Variants in NOL4 observed in about 807,000 individuals in gnomAD.
NOL4 encodes the protein cancer/testis antigen 125.
In NOL4, 17 loss-of-function variants were observed where a neutral mutation model predicts 75.9. The observed-to-expected ratio is 0.22, with a 90% confidence interval of 0.15 to 0.34. The LOEUF (loss-of-function observed/expected upper bound fraction) is 0.34, where lower values mean the gene tolerates loss of function less well. Among genes scored for constraint, NOL4 ranks in the 10% least tolerant of loss-of-function variants. NOL4 has a pLI of 1.00. For missense variants in NOL4, 614 were observed against 793.5 expected (o/e 0.77, Z 2.72); for synonymous variants, 292 against 289.9 (o/e 1.01, Z -0.07).
intron 1 of NOL4, among the ~76,000 whole-genome samples, chr18:34,141,106 CCTAGGA>C (rs761532750): frequency 1.8e-3 from 281 of 152,210 alleles, no homozygotes; most frequent in African/African-American, 6.2e-3. Flanking sequence ...GAATAAAATA[CCTAGGA>C]ATCCAACTTA....
intron 8 of NOL4, among the ~76,000 whole-genome samples, chr18:33,957,073 C>T (rs539155367): frequency 2.0e-5 from 3 of 152,016 alleles, no homozygotes; most frequent in African/African-American, 4.8e-5. Context: ...CCTTTATTTT[C>T]TGTGACATGG....
At chr18:34,004,805 T>A (rs1180190647) in intron 6 of NOL4, among the ~76,000 whole-genome samples, 1 of 152,036 alleles carries the variant, frequency 6.6e-6, no homozygotes, top group Non-Finnish European at 1.5e-5. Context: ...CAAACTGACA[T>A]CCCTATTCCT....
chr18:33,930,571 T>C (rs2067618764), intron 9 of NOL4, among the ~76,000 whole-genome samples: 1 of 152,124 alleles, frequency 6.6e-6, no homozygotes, highest in African/African-American at 2.4e-5. Flanking sequence ...GATAGATGGT[T>C]GAGTGTAAAT....
intron 1 of NOL4, among the ~76,000 whole-genome samples, chr18:34,134,219 T>C (rs1423591828): frequency 1.3e-5 from 2 of 152,054 alleles, no homozygotes; most frequent in Admixed American, 1.3e-4. Flanking sequence ...GGGAAAAATA[T>C]AGCTATATAA....
intron 1 of NOL4, among the ~76,000 whole-genome samples, chr18:34,203,615 TA>T (rs899784822): frequency 2.0e-5 from 3 of 150,882 alleles, no homozygotes; most frequent in African/African-American, 7.3e-5. Flanking sequence ...ATTATTTCAA[TA>T]AAAAATTCAG....
chr18:34,088,788 A>T (rs1033215122), intron 5 of NOL4, among the ~76,000 whole-genome samples: 2 of 152,118 alleles, frequency 1.3e-5, no homozygotes, highest in African/African-American at 4.8e-5. Context: ...TTATGCGAAG[A>T]TTCAGTTTCT....
At chr18:34,113,414 A>G (rs889076171) in intron 2 of NOL4, among the ~76,000 whole-genome samples, 2 of 152,140 alleles carry the variant, frequency 1.3e-5, no homozygotes, top group African/African-American at 4.8e-5. Flanking sequence ...CTGAGGCTAG[A>G]GGATCACTTG....
chr18:34,187,362 G>A (rs2034543755), intron 1 of NOL4, among the ~76,000 whole-genome samples: 1 of 140,600 alleles, frequency 7.1e-6, no homozygotes, highest in Non-Finnish European at 1.5e-5. Context: ...TGGTTTAATA[G>A]TCCACTTCTT....
chr18:33,881,353 T>A lies in NOL4; in HGVS notation c.1723+1891A>T, dbSNP rs575424181. Reference sequence around the variant, plus strand: ...TCCTCTTTTCCTAATTGAATACCCTTTATTTCCTTCTCCTGCCTAATTGCC... The same window carrying A: ...TCCTCTTTTCCTAATTGAATACCCTATATTTCCTTCTCCTGCCTAATTGCC... On this transcript the variant is annotated intron_variant, in intron 10 of 10. Coordinates refer to ENST00000261592, the MANE Select transcript of NOL4 (RefSeq NM_003787.5). Among the ~76,000 whole-genome samples, 224 of 148,888 alleles carry A rather than the reference T, an allele frequency of 1.5e-3. 3 individuals are homozygous for A. Among genetic ancestry groups the A allele is most frequent in the African/African-American group, 5.4e-3 (218 of 40,200 alleles).
At chr18:33,940,541 C>T (rs2068401402) in intron 9 of NOL4, among the ~76,000 whole-genome samples, 1 of 151,804 alleles carries the variant, frequency 6.6e-6, no homozygotes, top group Non-Finnish European at 1.5e-5. Flanking sequence ...CACACCGGGG[C>T]CTGTCGGGGA....
At chr18:33,942,835 C>T (rs546781384) in intron 9 of NOL4, among the ~76,000 whole-genome samples, 5 of 151,946 alleles carry the variant, frequency 3.3e-5, no homozygotes, top group Non-Finnish European at 7.4e-5. Context: ...AATCATAACT[C>T]GTTAGTTTTG....
chr18:33,882,927 A>G (rs2144679093), intron 10 of NOL4, among the ~76,000 whole-genome samples: 1 of 152,058 alleles, frequency 6.6e-6, no homozygotes, highest in Non-Finnish European at 1.5e-5. Flanking sequence ...GAAATTGGAA[A>G]ACATCATTCT....
intron 5 of NOL4, among the ~76,000 whole-genome samples, chr18:34,045,167 G>A (rs957610410): frequency 6.6e-6 from 1 of 152,012 alleles, no homozygotes; most frequent in Non-Finnish European, 1.5e-5. Flanking sequence ...TCTGCAACAG[G>A]TTCCCAAAGT....
intron 1 of NOL4, chr18:34,222,373 C>A: frequency 8.3e-7 from 1 of 1,201,402 alleles, no homozygotes; most frequent in South Asian, 2.7e-5. Flanking sequence ...ATCTCCAGGA[C>A]CTTATCTACA....
At chr18:34,191,589 C>T (rs1273603450) in intron 1 of NOL4, among the ~76,000 whole-genome samples, 1 of 152,100 alleles carries the variant, frequency 6.6e-6, no homozygotes, top group Non-Finnish European at 1.5e-5. Context: ...TCAGAAGTCT[C>T]CGGCTTCATG....
chr18:34,141,763 A>C (rs2081174579), intron 1 of NOL4, among the ~76,000 whole-genome samples: 1 of 152,248 alleles, frequency 6.6e-6, no homozygotes, highest in Non-Finnish European at 1.5e-5. Flanking sequence ...CATTCAGGAC[A>C]TAGGCATGGG....
intron 9 of NOL4, among the ~76,000 whole-genome samples, chr18:33,894,269 G>A (rs1416882980): frequency 6.6e-6 from 1 of 152,088 alleles, no homozygotes; most frequent in Non-Finnish European, 1.5e-5. Flanking sequence ...TGCAGTTAAA[G>A]GGAATGTGAT....
At chr18:34,046,390 A>G (rs2076366063) in intron 5 of NOL4, among the ~76,000 whole-genome samples, 2 of 151,794 alleles carry the variant, frequency 1.3e-5, no homozygotes, top group Admixed American at 6.6e-5. Context: ...GATAGATTAC[A>G]AATCCCTGCC....
At chr18:34,152,341 G>A (rs2081680829) in intron 1 of NOL4, among the ~76,000 whole-genome samples, 1 of 151,854 alleles carries the variant, frequency 6.6e-6, no homozygotes, top group Non-Finnish European at 1.5e-5. Context: ...CACATGCAGT[G>A]AATGAATGAA....
Sources: allele counts gnomAD v4.1 joint callset (sites outside exome capture counted in the v4.1 genomes callset), GRCh38; gene constraint gnomAD v4.1.1; transcripts MANE v1.5; gene names NCBI Gene and HGNC (gene_info 2026-07-23, HGNC 2026-07-21).